The following ZNF451 variants were observed in gnomAD, a reference collection of about 807,000 sequenced individuals.
The protein encoded by ZNF451 is E3 SUMO-protein ligase ZNF451.
In ZNF451, 80 loss-of-function variants were observed where a neutral mutation model predicts 107.1. The ratio of observed to expected loss-of-function variants is 0.75; its 90% CI spans 0.62 to 0.90. The LOEUF (loss-of-function observed/expected upper bound fraction) is 0.90. Among genes scored for constraint, ZNF451 ranks in the 40% least tolerant of loss-of-function variants. ZNF451 has a pLI of 0.00. For synonymous variants in ZNF451, 362 were observed against 406.5 expected (o/e 0.89, Z 1.32); for missense variants, 1,107 against 1,236.2 (o/e 0.90, Z 1.57).
intron 2 of ZNF451, chr6:57,092,848 G>A (rs1442987973): frequency 6.6e-6 from 1 of 152,134 alleles, no homozygotes; most frequent in African/African-American, 2.4e-5. Flanking sequence ...ACTAAACACA[G>A]CATGCTGAAG....
At chr6:57,104,555 A>G (rs1323106716) in intron 3 of ZNF451, 3 of 985,116 alleles carry the variant, frequency 3.0e-6, no homozygotes, top group African/African-American at 3.5e-5. Context: ...CGATTTTGGC[A>G]CTTCCCTTTA....
rs187641504 is a variant in ZNF451 at position 57,144,469 on chromosome 6, G to T, written c.1004+2374G>T. Reference sequence around the variant, plus strand: ...TTGGCCAGGATGGTCTTGAACTCCTGACCTCAAGTGATCTGTCCGCCTCAG... The same window carrying T: ...TTGGCCAGGATGGTCTTGAACTCCTTACCTCAAGTGATCTGTCCGCCTCAG... On this transcript the variant is annotated intron_variant, in intron 9 of 14. Coordinates refer to ENST00000370706, the MANE Select transcript of ZNF451 (RefSeq NM_001031623.3). Among the ~76,000 whole-genome samples, 394 of 151,962 alleles carry T rather than the reference G, an allele frequency of 2.6e-3. 7 individuals are homozygous for T. The highest frequency in any genetic ancestry group is 0.023 in the Admixed American group (345 of 15,274).
intron 3 of ZNF451, chr6:57,109,228 T>G (rs1830003688): frequency 2.0e-6 from 2 of 985,442 alleles, no homozygotes; most frequent in South Asian, 9.4e-5. Flanking sequence ...CAGCACTGAT[T>G]ATGTTAATCG....
rs1414032322 is a variant in ZNF451, at chr6:57,169,579, C to T, written c.*1110C>T. The stretch of plus-strand genomic sequence containing the variant: ...TAAAAACATTTCTATAAATATAAAG[C>T]TTTTCTTTATATTTAAGACAAAATA... On this transcript the variant is annotated 3_prime_UTR_variant, in exon 15 of 15. Transcript: ENST00000370706. The T allele has an allele frequency of 6.6e-6, 1 of 151,970 alleles. No homozygotes were observed. The highest frequency in any genetic ancestry group is 2.4e-5 in the African/African-American group (1 of 41,384). The allele number at this position is 151,970 out of a possible 1,614,324, so 9.4% of individuals were successfully genotyped here.
intron 13 of ZNF451, chr6:57,154,313 C>G (rs1192973926): frequency 1.3e-5 from 7 of 533,658 alleles, no homozygotes; most frequent in Non-Finnish European, 2.0e-5. Context: ...AACATATATT[C>G]ATGTGTTACA....
At chr6:57,165,996 T>C (rs1763879019) in intron 14 of ZNF451, among the ~76,000 whole-genome samples, 1 of 152,098 alleles carries the variant, frequency 6.6e-6, no homozygotes, top group South Asian at 2.1e-4. Flanking sequence ...TACTCTACTG[T>C]AGATTTTATA....
chr6:57,101,643 G>A (rs770897192), intron 3 of ZNF451: 2 of 1,550,668 alleles, frequency 1.3e-6, no homozygotes, highest in South Asian at 1.2e-5. Context: ...TGGAAGATCT[G>A]GTTCATGACC....
rs749963138 is a variant in ZNF451, at chr6:57,124,857, A to C, written c.310A>C (p.Arg104=). 1.9e-6 allele frequency: 3 copies of C among 1,587,572 alleles called. No homozygotes were observed. Among genetic ancestry groups the C allele is most frequent in the Non-Finnish European group, 2.6e-6 (3 of 1,166,832 alleles). The part of the protein sequence containing the change: ...QQKEEKNRAF[R]EKIDFQHAHG... ...GAAAGAAGAGAAGAATAGAGCATTC[A>C]GAGTATGTGCTATTTTAATTGGTAT... Residue 104 remains arginine, a splice_region_variant and synonymous_variant, in exon 4 of 15, where the codon AGA becomes CGA. Transcript: ENST00000370706.
rs1204965138 is a variant in ZNF451 at position 57,150,715 on chromosome 6, T to C, written c.2609-4T>C. 2 of 1,597,742 alleles carry C rather than the reference T, an allele frequency of 1.3e-6. No homozygotes were observed. Among genetic ancestry groups the C allele is most frequent in the Non-Finnish European group, 1.7e-6 (2 of 1,173,836 alleles). ...AACTCATGTTGATATTTCTCTCTTC[T>C]CAGAGGAAGAAATTGTTGAGCTTCC... On this transcript the variant is annotated splice_polypyrimidine_tract_variant and splice_region_variant and intron_variant, in intron 10 of 14. Transcript: ENST00000370706.
chr6:57,138,704 C>CATATATATAT (rs60629541), intron 7 of ZNF451, among the ~76,000 whole-genome samples: 31 of 43,774 alleles, frequency 7.1e-4, no homozygotes, highest in African/African-American at 1.6e-3. Flanking sequence ...GCAGCTATGC[C>CATATATATAT]ATATATATAT....
At chr6:57,105,686 T>C (rs1829820035) in intron 3 of ZNF451, 1 of 985,330 alleles carries the variant, frequency 1.0e-6, no homozygotes, top group Non-Finnish European at 1.2e-6. Context: ...CTTTGTTTTC[T>C]ATAGATATGC....
intron 3 of ZNF451, among the ~76,000 whole-genome samples, chr6:57,117,406 T>C (rs1311227053): frequency 1.3e-5 from 2 of 151,902 alleles, no homozygotes; most frequent in Non-Finnish European, 2.9e-5. Flanking sequence ...AATAGCTAAA[T>C]ATAAGAAAAA....
Position 57,148,408 on chromosome 6 carries a change from G to C in ZNF451, c.2323G>C (p.Val775Leu), listed in dbSNP as rs781222649. Residue 775 changes from valine to leucine, a missense_variant, in exon 10 of 15, where the codon GTG (valine) becomes CTG (leucine). Val to Leu is a conservative substitution (Grantham distance 32, BLOSUM62 1). Coordinates refer to ENST00000370706, the MANE Select transcript of ZNF451 (RefSeq NM_001031623.3). ...LTDMNTHIHQVHKEKSDEEEQ... is the reference protein window; with the variant it reads ...LTDMNTHIHQLHKEKSDEEEQ... The stretch of plus-strand genomic sequence containing the variant: ...CGACATGAACACTCATATCCATCAA[G>C]TGCACAAAGAAAAGAGTGATGAGGA... 3 of 1,613,914 alleles carry C rather than the reference G, an allele frequency of 1.9e-6. No homozygotes were observed. The highest frequency in any genetic ancestry group is 1.3e-5 in the African/African-American group (1 of 75,034).
intron 12 of ZNF451, 72 bp from the exon 13 acceptor site, chr6:57,153,789 C>T (rs1763266912): frequency 6.7e-7 from 1 of 1,484,756 alleles, no homozygotes; most frequent in Admixed American, 1.7e-5. Context: ...TGTGTTCATT[C>T]TGAAATAGAT....
intron 14 of ZNF451, chr6:57,165,744 A>G (rs1242207985): frequency 1.3e-5 from 2 of 152,226 alleles, no homozygotes; most frequent in Non-Finnish European, 2.9e-5. Context: ...CCCATGCTAT[A>G]TCATGTAGCC....
At chr6:57,107,761 T>C in intron 3 of ZNF451, 1 of 985,372 alleles carries the variant, frequency 1.0e-6, no homozygotes, top group Non-Finnish European at 1.2e-6. Flanking sequence ...TTTGGAGATC[T>C]CTCAAGTTGT....
intron 2 of ZNF451, among the ~76,000 whole-genome samples, chr6:57,098,023 G>A (rs907192385): frequency 2.0e-5 from 3 of 149,790 alleles, no homozygotes; most frequent in Non-Finnish European, 4.4e-5. Flanking sequence ...GGGCTGGAGT[G>A]CAGTGGCGTG....
intron 11 of ZNF451, chr6:57,151,371 TAAAA>T (rs59458185): frequency 3.8e-5 from 3 of 79,108 alleles, no homozygotes; most frequent in Non-Finnish European, 4.9e-5. Context: ...GACTCTGTCT[TAAAA>T]AAAAAAAAAA....
intron 2 of ZNF451, among the ~76,000 whole-genome samples, chr6:57,096,863 C>T (rs1329428842): frequency 6.9e-6 from 1 of 145,716 alleles, no homozygotes; most frequent in African/African-American, 2.5e-5. Flanking sequence ...GCAGCCTCTG[C>T]CTCCTGGGTT....
Sources: gnomAD v4.1 joint callset for allele counts (sites outside exome capture counted in the v4.1 genomes callset) on GRCh38, gnomAD v4.1.1 for gene constraint, MANE v1.5 for transcripts, NCBI Gene and HGNC (gene_info 2026-07-23, HGNC 2026-07-21) for gene names.